The following RFC1 variants were observed in gnomAD, a reference collection of about 807,000 sequenced individuals.
The protein encoded by RFC1 is replication factor C subunit 1, also known as A1 140 kDa subunit.
A neutral mutation model predicts 137.4 loss-of-function variants in RFC1; 37 were observed. The ratio of observed to expected loss-of-function variants is 0.27; its 90% CI spans 0.21 to 0.35. The LOEUF (loss-of-function observed/expected upper bound fraction) is 0.35, where lower values mean the gene tolerates loss of function less well. RFC1 is among the 10% of genes least tolerant of loss of function. The pLI, the probability that RFC1 is intolerant of heterozygous loss-of-function variation, is 1.00. For synonymous variants in RFC1, 429 were observed against 455.7 expected (o/e 0.94, Z 0.75); for missense variants, 1,205 against 1,358.5 (o/e 0.89, Z 1.78).
At chr4:39,330,563 CA>C (rs1435279689) in intron 4 of RFC1, among the ~76,000 whole-genome samples, 1 of 152,064 alleles carries the variant, frequency 6.6e-6, no homozygotes, top group Non-Finnish European at 1.5e-5. Context: ...CAGGAGTGAG[CA>C]CTTCAGCAAG....
At chr4:39,324,238 A>G (rs536915695) in intron 6 of RFC1, among the ~76,000 whole-genome samples, 19 of 152,362 alleles carry the variant, frequency 1.2e-4, no homozygotes, top group Non-Finnish European at 2.4e-4. Flanking sequence ...AGTGAAAAAA[A>G]AGGGAGGAAA....
At chr4:39,355,215 G>C (rs1741413518) in intron 1 of RFC1, among the ~76,000 whole-genome samples, 1 of 149,192 alleles carries the variant, frequency 6.7e-6, no homozygotes, top group Non-Finnish European at 1.5e-5. Context: ...TTGAGCCCAA[G>C]AGTTTAATAC....
intron 2 of RFC1, 50 bp from the exon 3 acceptor site, chr4:39,345,526 C>T (rs1740814287): frequency 1.0e-5 from 12 of 1,164,390 alleles, no homozygotes; most frequent in African/African-American, 3.2e-5. Context: ...ATATAACTAT[C>T]TTTTTTTTTT....
At chr4:39,306,118 G>A (rs1578118025) in intron 14 of RFC1, among the ~76,000 whole-genome samples, 2 of 152,294 alleles carry the variant, frequency 1.3e-5, no homozygotes, top group East Asian at 1.9e-4. Flanking sequence ...CAATAGGAAC[G>A]AAGGCAGGAT....
chr4:39,327,404 T>C (rs923604401), intron 5 of RFC1, 120 bp downstream of exon 5: 12 of 531,152 alleles, frequency 2.3e-5, no homozygotes, highest in Middle Eastern at 4.8e-4. Context: ...TCCATAATCA[T>C]AGGAAAATTA....
chr4:39,305,346 C>A (rs973202737), intron 14 of RFC1, among the ~76,000 whole-genome samples: 5 of 152,130 alleles, frequency 3.3e-5, no homozygotes, highest in Non-Finnish European at 5.9e-5. Context: ...TGACTCACAC[C>A]TGTAATACCA....
intron 20 of RFC1, 28 bp from the exon 21 acceptor site, chr4:39,300,166 C>T: frequency 6.2e-7 from 1 of 1,609,998 alleles, no homozygotes. Context: ...TCTGGATTAT[C>T]CCACTCTCCA....
chr4:39,311,602 CCTTCT>C, intron 11 of RFC1, 53 bp from the exon 12 acceptor site: 2 of 1,409,794 alleles, frequency 1.4e-6, no homozygotes, highest in Admixed American at 4.4e-5. Flanking sequence ...CCTACCATTC[CCTTCT>C]CTTACAAAAA....
Position 39,327,986 on chromosome 4 carries a change from A to G in RFC1, c.332-230T>C, listed in dbSNP as rs533554394. Among the ~76,000 whole-genome samples the G allele has an allele frequency of 2.0e-5, 3 of 152,226 alleles. No homozygotes were observed. In the South Asian group the frequency reaches 6.2e-4, roughly 32 times the overall value. ...TTCTCTTCAAAAAAATTAACAAAAA[A>G]TTAGCCAGGCATGGTGGTACACACC... is the stretch of plus-strand genomic sequence containing the variant. On this transcript the variant is annotated intron_variant, in intron 4 of 24. Transcript: ENST00000349703.
chr4:39,353,677 C>T (rs1741325724), intron 1 of RFC1, among the ~76,000 whole-genome samples: 1 of 152,092 alleles, frequency 6.6e-6, no homozygotes, highest in African/African-American at 2.4e-5. Flanking sequence ...AAATGAGTTT[C>T]GTATCAGTTT....
At chr4:39,337,553 G>A (rs1740421141) in intron 4 of RFC1, among the ~76,000 whole-genome samples, 1 of 151,078 alleles carries the variant, frequency 6.6e-6, no homozygotes, top group Admixed American at 6.6e-5. Context: ...CTTTTATACA[G>A]AATTTTAGTG....
intron 6 of RFC1, among the ~76,000 whole-genome samples, chr4:39,323,749 A>G (rs7676177): frequency 0.98 from 148,695 of 152,314 alleles, 72,682 homozygotes; most frequent in Middle Eastern, 1. Flanking sequence ...TCTATTTATT[A>G]TCTAAAAAGA....
intron 3 of RFC1, among the ~76,000 whole-genome samples, chr4:39,344,850 A>G (rs1039188615): frequency 6.6e-6 from 1 of 152,196 alleles, no homozygotes; most frequent in African/African-American, 2.4e-5. Context: ...CAAATGCTGC[A>G]TACTATATCA....
chr4:39,320,349 CAAAAAAAA>C, intron 9 of RFC1, 26 bp downstream of exon 9: 37 of 1,118,474 alleles, frequency 3.3e-5, no homozygotes, highest in East Asian at 3.8e-5. Flanking sequence ...AACTCCATCT[CAAAAAAAA>C]AAAAAAAAAA....
intron 15 of RFC1, among the ~76,000 whole-genome samples, chr4:39,303,930 T>G (rs1014467660): frequency 1.3e-5 from 2 of 152,218 alleles, no homozygotes; most frequent in African/African-American, 4.8e-5. Flanking sequence ...TCATACTAAA[T>G]GACTATCCTT....
Position 39,287,838 on chromosome 4 carries a change from AT to A in RFC1, c.*922del, listed in dbSNP as rs1480081673. The A allele has an allele frequency of 6.6e-6, 1 of 152,184 alleles. No individual in the cohort carries two copies. The highest frequency in any genetic ancestry group is 1.5e-5 in the Non-Finnish European group (1 of 68,044). 9.4% of individuals were successfully genotyped at this position (152,184 alleles called of 1,614,324 possible). A position where few individuals can be genotyped will look rare whatever the true frequency, so the allele number is the denominator to read the frequency against. On this transcript the variant is annotated 3_prime_UTR_variant, in exon 25 of 25. Coordinates refer to ENST00000349703, the MANE Select transcript of RFC1 (RefSeq NM_002913.5). ...GCAAAGTGAACAAAAGCCAGTGTTCATTTTGTCCCCCACCATAGTGAAATTA... is the reference window on the plus strand; with the variant it reads ...GCAAAGTGAACAAAAGCCAGTGTTCATTTGTCCCCCACCATAGTGAAATTA...
intron 3 of RFC1, among the ~76,000 whole-genome samples, chr4:39,343,046 T>C (rs1206166025): frequency 6.6e-6 from 1 of 152,248 alleles, no homozygotes; most frequent in Non-Finnish European, 1.5e-5. Context: ...TTTTTCTTTT[T>C]TGAGACGGAG....
chr4:39,360,158 G>A (rs1003207029), intron 1 of RFC1, among the ~76,000 whole-genome samples: 1 of 152,148 alleles, frequency 6.6e-6, no homozygotes. Context: ...TTCAGGTCAG[G>A]AGTTTGAGAC....
intron 17 of RFC1, 30 bp downstream of exon 17, chr4:39,302,707 G>A (rs781056605): frequency 5.2e-6 from 8 of 1,549,452 alleles, no homozygotes; most frequent in Non-Finnish European, 8.7e-7. Context: ...ATAGGCTAGT[G>A]TGATGGAAAA....
Sources: gnomAD v4.1 joint callset for allele counts (sites outside exome capture counted in the v4.1 genomes callset) on GRCh38, gnomAD v4.1.1 for gene constraint, MANE v1.5 for transcripts, NCBI Gene and HGNC (gene_info 2026-07-23, HGNC 2026-07-21) for gene names.